Variants in ZFHX3 observed in about 807,000 individuals in gnomAD.
ZFHX3 encodes zinc finger homeobox 3.
A neutral mutation model predicts 279.1 loss-of-function variants in ZFHX3; 42 were observed. The observed-to-expected ratio is 0.15, with a 90% CI of 0.12 to 0.19. The LOEUF is 0.19. Among genes scored for constraint, ZFHX3 ranks in the 10% least tolerant of loss-of-function variants. ZFHX3 has a pLI of 1.00. For synonymous variants in ZFHX3, 2,293 were observed against 1,957.8 expected, an observed-to-expected ratio of 1.17 and a Z score of -4.52; for missense variants, 4,981 against 4,754.0, an observed-to-expected ratio of 1.05 and a Z score of -1.40.
At chr16:73,342,559 C>T (rs1213247471) in intron 3 of ZFHX3, among the ~76,000 whole-genome samples, 3 of 151,968 alleles carry the variant, frequency 2.0e-5, no homozygotes, top group Non-Finnish European at 4.4e-5. Flanking sequence ...GGGAAGAAAA[C>T]GGGTGCAAAA....
intron 1 of ZFHX3, among the ~76,000 whole-genome samples, chr16:73,012,088 G>C (rs1963937887): frequency 6.6e-6 from 1 of 152,176 alleles, no homozygotes; most frequent in South Asian, 2.1e-4. Flanking sequence ...CTTCAAAATA[G>C]AGGTACCCAA....
intron 1 of ZFHX3, among the ~76,000 whole-genome samples, chr16:73,687,342 C>T (rs1305004881): frequency 1.3e-5 from 2 of 150,028 alleles, no homozygotes; most frequent in African/African-American, 4.9e-5. Flanking sequence ...CAGTGAGCAC[C>T]ACCGCACACC....
At chr16:73,763,002 T>A (rs1052767153) in intron 1 of ZFHX3, among the ~76,000 whole-genome samples, 4 of 152,238 alleles carry the variant, frequency 2.6e-5, no homozygotes, top group East Asian at 1.9e-4. Context: ...AAATTTTTTT[T>A]AAAAAGGAAG....
rs911879990 is a variant in ZFHX3, at chr16:73,222,278, A to G, written c.-1104+34769T>C. On this transcript the variant is annotated intron_variant, in intron 5 of 17. Coordinates refer to the ZFHX3 transcript ENST00000641206. ...AAGTATTATTACTTTGCCTTATATC[A>G]TAAGATTTTTTCACAGATGATATCG... Among the ~76,000 whole-genome samples the G allele has an allele frequency of 2.0e-5, 3 of 152,208 alleles. No individual in the cohort carries two copies. The East Asian group carries it at 5.8e-4, about 29-fold the overall frequency.
At chr16:72,967,399 A>G (rs1961894676) in intron 1 of ZFHX3, among the ~76,000 whole-genome samples, 1 of 152,116 alleles carries the variant, frequency 6.6e-6, no homozygotes, top group Non-Finnish European at 1.5e-5. Context: ...AAATTAAGTG[A>G]CAGTAAGTGA....
chr16:73,634,335 A>G (rs1438646406), intron 2 of ZFHX3, among the ~76,000 whole-genome samples: 2 of 151,352 alleles, frequency 1.3e-5, no homozygotes, highest in Admixed American at 1.3e-4. Flanking sequence ...GACTTATATG[A>G]AGAATTAGCT....
At chr16:73,105,302 T>C (rs1169398957) in intron 7 of ZFHX3, among the ~76,000 whole-genome samples, 1 of 146,972 alleles carries the variant, frequency 6.8e-6, no homozygotes, top group Admixed American at 7.0e-5. Context: ...TACATATATA[T>C]ACATATATAT....
At chr16:73,427,853 G>C (rs2017839564) in intron 3 of ZFHX3, among the ~76,000 whole-genome samples, 1 of 152,084 alleles carries the variant, frequency 6.6e-6, no homozygotes, top group Admixed American at 6.5e-5. Context: ...TGAGGCAGGA[G>C]AATCACTGGA....
chr16:73,372,237 G>C (rs934531558), intron 3 of ZFHX3, among the ~76,000 whole-genome samples: 9 of 152,076 alleles, frequency 5.9e-5, no homozygotes, highest in Admixed American at 3.9e-4. Context: ...TGAAGATTTT[G>C]CATAACTACT....
At chr16:73,068,335 G>A (rs1965780449) in intron 8 of ZFHX3, among the ~76,000 whole-genome samples, 1 of 152,166 alleles carries the variant, frequency 6.6e-6, no homozygotes, top group Non-Finnish European at 1.5e-5. Flanking sequence ...TAGGGCAGAT[G>A]GGCTGAGGCG....
intron 3 of ZFHX3, among the ~76,000 whole-genome samples, chr16:73,349,151 TACCTCTAGACTTTTGTTCTGCC>T (rs1400673515): frequency 7.2e-5 from 8 of 111,766 alleles, no homozygotes; most frequent in South Asian, 2.9e-4. Context: ...GTCTTCCTGC[TACCTCTAGACTTTTGTTCTGCC>T]ACAGCAAAGG....
intron 7 of ZFHX3, among the ~76,000 whole-genome samples, chr16:73,120,416 C>A (rs942640041): frequency 6.6e-6 from 1 of 151,964 alleles, no homozygotes. Flanking sequence ...CAGGCACATG[C>A]CACCATGCTC....
At chr16:73,826,247 G>C (rs1331099625) in intron 1 of ZFHX3, among the ~76,000 whole-genome samples, 1 of 95,556 alleles carries the variant, frequency 1.0e-5, no homozygotes, top group Admixed American at 1.2e-4. Flanking sequence ...TTTGTACATT[G>C]ATTTTGTATC....
chr16:73,604,080 T>C (rs1444944098), intron 2 of ZFHX3, among the ~76,000 whole-genome samples: 1 of 152,116 alleles, frequency 6.6e-6, no homozygotes, highest in African/African-American at 2.4e-5. Flanking sequence ...CCAGCCATTC[T>C]ATATTATTAA....
At chr16:73,288,117 G>A (rs2014675635) in intron 4 of ZFHX3, among the ~76,000 whole-genome samples, 1 of 151,850 alleles carries the variant, frequency 6.6e-6, no homozygotes, top group African/African-American at 2.4e-5. Flanking sequence ...AGGGAGCCAA[G>A]GAGGAGGGTG....
intron 1 of ZFHX3, among the ~76,000 whole-genome samples, chr16:73,043,051 G>C (rs1305008297): frequency 1.3e-5 from 2 of 152,100 alleles, no homozygotes; most frequent in African/African-American, 2.4e-5. Flanking sequence ...GCCAGGAGTA[G>C]GGGTGGGAGT....
intron 3 of ZFHX3, among the ~76,000 whole-genome samples, chr16:72,917,804 A>G (rs183407385): frequency 1.4e-4 from 22 of 152,362 alleles, no homozygotes; most frequent in Non-Finnish European, 2.4e-4. Flanking sequence ...AATTTTTTTT[A>G]CATACAATAA....
intron 3 of ZFHX3, among the ~76,000 whole-genome samples, chr16:73,321,109 A>G (rs1240252254): frequency 6.6e-6 from 1 of 152,244 alleles, no homozygotes; most frequent in Non-Finnish European, 1.5e-5. Context: ...ATACTAGGAC[A>G]GAGAGCAAAG....
intron 3 of ZFHX3, among the ~76,000 whole-genome samples, chr16:73,338,081 A>G (rs1403581515): frequency 1.3e-5 from 2 of 152,148 alleles, no homozygotes; most frequent in East Asian, 1.9e-4. Context: ...TCAAAACCCT[A>G]CGTCTGATAA....
Sources: allele counts gnomAD v4.1 joint callset (sites outside exome capture counted in the v4.1 genomes callset), GRCh38; gene constraint gnomAD v4.1.1; transcripts MANE v1.5; gene names NCBI Gene and HGNC (gene_info 2026-07-23, HGNC 2026-07-21).